Variants in NKAIN2 observed in about 807,000 individuals in gnomAD.
NKAIN2 encodes sodium/potassium-transporting ATPase subunit beta-1-interacting protein 2.
A neutral mutation model predicts 32.6 loss-of-function variants in NKAIN2; 14 were observed. The ratio of observed to expected loss-of-function variants is 0.43; its 90% CI spans 0.28 to 0.67. NKAIN2 has a LOEUF of 0.67. Among genes scored for constraint, NKAIN2 ranks in the 30% least tolerant of loss-of-function variants. NKAIN2 has a pLI of 0.17. For synonymous variants in NKAIN2, 80 were observed against 87.2 expected, an observed-to-expected ratio of 0.92 and a Z score of 0.46; for missense variants, 198 against 258.3, an observed-to-expected ratio of 0.77 and a Z score of 1.60.
intron 1 of NKAIN2, among the ~76,000 whole-genome samples, chr6:123,827,003 C>T (rs1048296042): frequency 2.0e-5 from 3 of 152,046 alleles, no homozygotes; most frequent in Non-Finnish European, 4.4e-5. Context: ...CTGGCTGACA[C>T]TTATTTTCTG....
chr6:124,425,412 TGACCAAA>T (rs1253372637), intron 3 of NKAIN2, among the ~76,000 whole-genome samples: 1 of 151,966 alleles, frequency 6.6e-6, no homozygotes, highest in Non-Finnish European at 1.5e-5. Context: ...GTCTTGGCAG[TGACCAAA>T]CAAAAGCAAC....
chr6:124,261,457 C>T (rs948683437), intron 1 of NKAIN2, among the ~76,000 whole-genome samples: 20 of 152,172 alleles, frequency 1.3e-4, no homozygotes, highest in African/African-American at 7.2e-5. Flanking sequence ...CCTCAGACCT[C>T]GAGGGAAGTA....
intron 1 of NKAIN2, among the ~76,000 whole-genome samples, chr6:124,241,872 C>T (rs969816469): frequency 1.3e-5 from 2 of 151,926 alleles, no homozygotes; most frequent in African/African-American, 4.8e-5. Flanking sequence ...AAACTGGACC[C>T]CTTCCTTACA....
At chr6:124,120,262 G>A (rs1371255648) in intron 1 of NKAIN2, among the ~76,000 whole-genome samples, 1 of 152,096 alleles carries the variant, frequency 6.6e-6, no homozygotes, top group Non-Finnish European at 1.5e-5. Flanking sequence ...ATGGAATGTG[G>A]TTTGGAAACA....
At chr6:124,758,792 C>T in intron 4 of NKAIN2, among the ~76,000 whole-genome samples, 1 of 152,104 alleles carries the variant, frequency 6.6e-6, no homozygotes, top group East Asian at 1.9e-4. Context: ...AATTCAAAGC[C>T]TTGTACAATA....
At chr6:123,981,095 C>T (rs1778875363) in intron 1 of NKAIN2, among the ~76,000 whole-genome samples, 1 of 152,090 alleles carries the variant, frequency 6.6e-6, no homozygotes, top group Non-Finnish European at 1.5e-5. Context: ...TCTCAATCTC[C>T]TGACCTTGTG....
chr6:124,328,905 C>T (rs1797534360), intron 2 of NKAIN2, among the ~76,000 whole-genome samples: 1 of 152,124 alleles, frequency 6.6e-6, no homozygotes, highest in African/African-American at 2.4e-5. Context: ...CTCTTTTGTC[C>T]ATAATTTACA....
At chr6:124,260,775 GT>G (rs1562456782) in intron 1 of NKAIN2, among the ~76,000 whole-genome samples, 8 of 151,994 alleles carry the variant, frequency 5.3e-5, no homozygotes, top group African/African-American at 1.7e-4. Flanking sequence ...GCATGGAAAA[GT>G]CTCTAATATA....
At chr6:124,061,028 A>G (rs756956626) in intron 1 of NKAIN2, among the ~76,000 whole-genome samples, 1 of 152,178 alleles carries the variant, frequency 6.6e-6, no homozygotes, top group Non-Finnish European at 1.5e-5. Flanking sequence ...CATGTATAAC[A>G]TGTTGAAAAT....
intron 3 of NKAIN2, among the ~76,000 whole-genome samples, chr6:124,581,445 CAAAAAAAAAAAAAAA>C (rs57280967): frequency 1.2e-5 from 1 of 81,426 alleles, no homozygotes; most frequent in Non-Finnish European, 2.3e-5. Flanking sequence ...GACTCCGTCT[CAAAAAAAAAAAAAAA>C]AAAAAAAAAA....
intron 1 of NKAIN2, among the ~76,000 whole-genome samples, chr6:124,140,010 A>C (rs1787056097): frequency 6.6e-6 from 1 of 152,186 alleles, no homozygotes; most frequent in South Asian, 2.1e-4. Flanking sequence ...ATCTGGGAAA[A>C]TATCAGCTGT....
chr6:124,462,701 T>C (rs1033467834), intron 3 of NKAIN2, among the ~76,000 whole-genome samples: 1 of 152,040 alleles, frequency 6.6e-6, no homozygotes, highest in African/African-American at 2.4e-5. Flanking sequence ...TTTGTAATAC[T>C]ATATGCTTAT....
chr6:124,786,381 G>A (rs930337818), intron 4 of NKAIN2, among the ~76,000 whole-genome samples: 20 of 151,994 alleles, frequency 1.3e-4, no homozygotes, highest in African/African-American at 3.1e-4. Flanking sequence ...CCCAGAAACC[G>A]AAATCCAGAA....
chr6:124,622,979 T>G (rs1379179995), intron 3 of NKAIN2, among the ~76,000 whole-genome samples: 1 of 152,066 alleles, frequency 6.6e-6, no homozygotes, highest in African/African-American at 2.4e-5. Context: ...CTGTACTCAT[T>G]TTGGGCCACA....
chr6:124,197,836 GGT>G (rs1491106212), intron 1 of NKAIN2, among the ~76,000 whole-genome samples: 4 of 82,562 alleles, frequency 4.8e-5, no homozygotes, highest in South Asian at 5.1e-4. Context: ...ACCTGTGTCT[GGT>G]TTTTTTTTTT....
At chr6:124,801,856 G>C (rs536808804) in intron 5 of NKAIN2, among the ~76,000 whole-genome samples, 11 of 152,250 alleles carry the variant, frequency 7.2e-5, no homozygotes, top group African/African-American at 2.4e-4. Context: ...ACTTAACAAA[G>C]ACAGGCACGC....
chr6:124,433,629 C>T (rs1004365460), intron 3 of NKAIN2, among the ~76,000 whole-genome samples: 3 of 152,156 alleles, frequency 2.0e-5, no homozygotes, highest in African/African-American at 7.2e-5. Flanking sequence ...CAGCTCCTAT[C>T]ACTGACAGCC....
At chr6:123,988,176 A>C (rs888698053) in intron 1 of NKAIN2, among the ~76,000 whole-genome samples, 3 of 152,216 alleles carry the variant, frequency 2.0e-5, no homozygotes, top group African/African-American at 7.2e-5. Flanking sequence ...GAAAGATATC[A>C]ATAAGGAATG....
chr6:124,369,401 G>A (rs1799656990), intron 3 of NKAIN2, among the ~76,000 whole-genome samples: 1 of 152,070 alleles, frequency 6.6e-6, no homozygotes, highest in African/African-American at 2.4e-5. Context: ...GTCCACATAA[G>A]AATTATTTCC....
Sources: allele counts gnomAD v4.1 joint callset (sites outside exome capture counted in the v4.1 genomes callset), GRCh38; gene constraint gnomAD v4.1.1; transcripts MANE v1.5; gene names NCBI Gene and HGNC (gene_info 2026-07-23, HGNC 2026-07-21).